Variants in CCSER1 observed in about 807,000 individuals in gnomAD.
CCSER1 encodes the protein coiled-coil serine rich protein 1, also known as serine-rich coiled-coil domain-containing protein 1.
CCSER1 carries 41 observed loss-of-function variants against 82.0 expected under a neutral mutation model. The observed-to-expected ratio is 0.50, with a 90% CI of 0.39 to 0.65. CCSER1 has a LOEUF of 0.65. CCSER1 is among the 30% of genes least tolerant of loss of function. The pLI is 0.00. For missense variants in CCSER1, 1,119 were observed against 1,064.2 expected (o/e 1.05, Z -0.72); for synonymous variants, 414 against 383.9 (o/e 1.08, Z -0.92).
intron 10 of CCSER1, among the ~76,000 whole-genome samples, chr4:91,464,044 C>T (rs569335260): frequency 6.6e-6 from 1 of 152,072 alleles, no homozygotes; most frequent in East Asian, 1.9e-4. Context: ...CTCCAAGACA[C>T]ATAATTGTCA....
chr4:90,879,557 AAGAAGAAGAAGAG>A (rs1159801553), intron 8 of CCSER1, among the ~76,000 whole-genome samples: 424 of 6,306 alleles, frequency 0.067, 3 homozygotes, highest in Middle Eastern at 0.36. Flanking sequence ...GAAGAAGAGG[AAGAAGAAGAAGAG>A]GAAGAAGAAG....
intron 10 of CCSER1, among the ~76,000 whole-genome samples, chr4:91,162,108 A>G (rs1041502818): frequency 7.2e-5 from 11 of 152,156 alleles, no homozygotes; most frequent in African/African-American, 2.4e-4. Context: ...ACATTCCATC[A>G]ATACCTAGTT....
intron 9 of CCSER1, among the ~76,000 whole-genome samples, chr4:91,004,027 A>C (rs1031376551): frequency 5.3e-5 from 8 of 152,204 alleles, no homozygotes; most frequent in Non-Finnish European, 1.0e-4. Context: ...AGGGGCAGAC[A>C]ATTCCCCTTT....
chr4:90,403,143 G>T lies in CCSER1; in HGVS notation c.1603+3014G>T, dbSNP rs142751237. 7.0e-4 allele frequency among the ~76,000 whole-genome samples: 106 copies of T among 152,292 alleles called. 3 individuals carry two copies. The East Asian group carries it at 0.012, about 17-fold the overall frequency. The stretch of plus-strand genomic sequence containing the variant: ...ACGTTTATATACTTTAGCTGAGAAA[G>T]AATTATTTCCAGTTGAATTGGTTTT... On this transcript the variant is annotated intron_variant, in intron 4 of 10. Transcript: ENST00000509176.
intron 10 of CCSER1, among the ~76,000 whole-genome samples, chr4:91,440,947 A>G (rs1274490636): frequency 2.0e-5 from 3 of 152,046 alleles, no homozygotes; most frequent in Non-Finnish European, 2.9e-5. Flanking sequence ...GAATAGACCA[A>G]TAACAGGATC....
intron 1 of CCSER1, among the ~76,000 whole-genome samples, chr4:90,181,440 G>A (rs941094219): frequency 5.3e-5 from 8 of 152,092 alleles, no homozygotes; most frequent in Non-Finnish European, 1.0e-4. Flanking sequence ...AGACAAAAAG[G>A]CATCAGTATT....
chr4:90,398,488 T>C (rs1752356992), intron 3 of CCSER1, among the ~76,000 whole-genome samples: 1 of 152,220 alleles, frequency 6.6e-6, no homozygotes, highest in South Asian at 2.1e-4. Context: ...ATAGTGTGTT[T>C]GATAAACACT....
intron 10 of CCSER1, among the ~76,000 whole-genome samples, chr4:91,133,187 T>C (rs1254763090): frequency 2.0e-5 from 3 of 152,226 alleles, no homozygotes; most frequent in Non-Finnish European, 2.9e-5. Context: ...CCTTCTCTTC[T>C]CTTTTCTTCC....
chr4:91,131,726 G>C (rs921042181), intron 10 of CCSER1, among the ~76,000 whole-genome samples: 3 of 152,046 alleles, frequency 2.0e-5, no homozygotes, highest in Non-Finnish European at 2.9e-5. Flanking sequence ...AAAGCAAACA[G>C]TATCAACTGG....
At chr4:90,221,980 A>G (rs1055924412) in intron 1 of CCSER1, among the ~76,000 whole-genome samples, 6 of 152,174 alleles carry the variant, frequency 3.9e-5, no homozygotes, top group Non-Finnish European at 8.8e-5. Context: ...TTTTCTTTGT[A>G]ATATTCTCAG....
At chr4:90,877,850 G>A (rs1434493781) in intron 8 of CCSER1, among the ~76,000 whole-genome samples, 2 of 152,054 alleles carry the variant, frequency 1.3e-5, no homozygotes, top group African/African-American at 4.8e-5. Context: ...TCTCTTTCAA[G>A]TAGTCTTTCT....
chr4:90,682,396 A>G (rs1419646169), intron 6 of CCSER1, among the ~76,000 whole-genome samples: 1 of 152,022 alleles, frequency 6.6e-6, no homozygotes, highest in East Asian at 1.9e-4. Flanking sequence ...ATAGTATATC[A>G]TGGCCTGGTG....
chr4:91,047,237 TATACAC>T (rs1742587707), intron 9 of CCSER1, among the ~76,000 whole-genome samples: 1 of 151,768 alleles, frequency 6.6e-6, no homozygotes, highest in African/African-American at 2.4e-5. Context: ...AGCATATATA[TATACAC>T]ACACACACAC....
intron 4 of CCSER1, among the ~76,000 whole-genome samples, chr4:90,457,587 G>T (rs1762352909): frequency 6.6e-6 from 1 of 152,180 alleles, no homozygotes; most frequent in Non-Finnish European, 1.5e-5. Flanking sequence ...GCTGAGAGAA[G>T]ACCCACAGTG....
chr4:91,207,931 C>G (rs1277114361), intron 10 of CCSER1, among the ~76,000 whole-genome samples: 2 of 151,648 alleles, frequency 1.3e-5, no homozygotes, highest in African/African-American at 4.8e-5. Flanking sequence ...CTGACTGGTG[C>G]GAGATGGTAT....
At chr4:90,879,492 G>GAA (rs1398434460) in intron 8 of CCSER1, among the ~76,000 whole-genome samples, 2 of 53,312 alleles carry the variant, frequency 3.8e-5, no homozygotes. Flanking sequence ...AAAAGAGGAA[G>GAA]AAGAAGAAGA....
At chr4:90,145,684 T>G (rs1725674402) in intron 1 of CCSER1, among the ~76,000 whole-genome samples, 3 of 152,168 alleles carry the variant, frequency 2.0e-5, no homozygotes, top group Admixed American at 2.0e-4. Flanking sequence ...TTTGACTGTA[T>G]TAACATTTTC....
intron 10 of CCSER1, among the ~76,000 whole-genome samples, chr4:91,182,455 TTAA>T (rs1734131877): frequency 6.6e-6 from 1 of 152,214 alleles, no homozygotes; most frequent in Non-Finnish European, 1.5e-5. Context: ...AAATTTAAAG[TTAA>T]TAATGCTAGA....
At chr4:90,773,808 T>C (rs17185519) in intron 7 of CCSER1, among the ~76,000 whole-genome samples, 28,336 of 152,090 alleles carry the variant, frequency 0.19, 3,282 homozygotes, top group South Asian at 0.27. Context: ...GAAATTAGAA[T>C]GTCTTGAGGT....
Sources: gnomAD v4.1 joint callset for allele counts (sites outside exome capture counted in the v4.1 genomes callset) on GRCh38, gnomAD v4.1.1 for gene constraint, MANE v1.5 for transcripts, NCBI Gene and HGNC (gene_info 2026-07-23, HGNC 2026-07-21) for gene names.